FCRL2: variants seen among roughly 807,000 people sequenced by gnomAD.
The protein encoded by FCRL2 is Fc receptor-like protein 2.
Under a neutral mutation model 59.8 loss-of-function variants are expected in FCRL2, and 48 were observed. The ratio of observed to expected loss-of-function variants is 0.80; its 90% CI spans 0.64 to 1.02. The LOEUF (loss-of-function observed/expected upper bound fraction) is 1.02, where lower values mean the gene tolerates loss of function less well. FCRL2 is among the 50% of genes least tolerant of loss of function. FCRL2 has a pLI of 0.00. For missense variants in FCRL2, 658 were observed against 597.3 expected, an observed-to-expected ratio of 1.10 and a Z score of -1.06; for synonymous variants, 251 against 229.5, an observed-to-expected ratio of 1.09 and a Z score of -0.85.
intron 7 of FCRL2, among the ~76,000 whole-genome samples, chr1:157,756,388 G>C (rs1400892751): frequency 1.3e-5 from 2 of 152,176 alleles, no homozygotes; most frequent in East Asian, 3.9e-4. Context: ...TAAATTGCCA[G>C]TTTGGGATAT....
At chr1:157,760,979 T>C (rs1649060174) in intron 7 of FCRL2, among the ~76,000 whole-genome samples, 1 of 152,144 alleles carries the variant, frequency 6.6e-6, no homozygotes, top group Non-Finnish European at 1.5e-5. Context: ...TAAAATAAAA[T>C]ACTAGCTTAA....
intron 7 of FCRL2, among the ~76,000 whole-genome samples, chr1:157,753,796 C>T (rs898612093): frequency 2.0e-5 from 3 of 152,038 alleles, no homozygotes; most frequent in Non-Finnish European, 4.4e-5. Flanking sequence ...TGAAGCTATC[C>T]AGGAGCCCCT....
chr1:157,768,179 A>G, intron 5 of FCRL2: 1 of 492,386 alleles, frequency 2.0e-6, no homozygotes, highest in Non-Finnish European at 3.6e-6. Context: ...TTATCATCCT[A>G]TCGTAGGATT....
At chr1:157,755,257 C>T (rs16839076) in intron 7 of FCRL2, among the ~76,000 whole-genome samples, 2,714 of 152,142 alleles carry the variant, frequency 0.018, 71 homozygotes, top group African/African-American at 0.061. Context: ...CAACGTAAAA[C>T]GATGAAACTA....
At chr1:157,766,023 A>G (rs1205906046) in intron 7 of FCRL2, among the ~76,000 whole-genome samples, 1 of 152,160 alleles carries the variant, frequency 6.6e-6, no homozygotes, top group Non-Finnish European at 1.5e-5. Context: ...GAAACTGCAA[A>G]CTATGGCCAG....
In FCRL2 at chr1:157,777,124, G is replaced by C; in HGVS notation, c.-51C>G. 1 of 1,613,842 alleles carries C rather than the reference G, an allele frequency of 6.2e-7. No homozygotes were observed. ...AGAGATGTACTCTTGGTCACCAACT[G>C]GAGACTCTGAGCAGGCGATGAAATG... On this transcript the variant is annotated 5_prime_UTR_variant, in exon 1 of 12. Transcript: ENST00000361516.
At chr1:157,763,773 G>A (rs573178835) in intron 7 of FCRL2, among the ~76,000 whole-genome samples, 148 of 152,274 alleles carry the variant, frequency 9.7e-4, no homozygotes, top group Middle Eastern at 3.4e-3. Flanking sequence ...GCTCATGCCT[G>A]TAATCCCAGC....
chr1:157,773,165 CTTG>C (rs1650157578), intron 2 of FCRL2, among the ~76,000 whole-genome samples: 1 of 152,222 alleles, frequency 6.6e-6, no homozygotes, highest in Non-Finnish European at 1.5e-5. Flanking sequence ...AGATCTCTCT[CTTG>C]TTAATTGGAC....
intron 9 of FCRL2, 50 bp downstream of exon 9, chr1:157,748,825 T>C: frequency 1.9e-6 from 3 of 1,567,118 alleles, no homozygotes; most frequent in Non-Finnish European, 2.6e-6. Flanking sequence ...TCCTGTCTCC[T>C]CTTTCTTTTC....
In FCRL2 at chr1:157,769,990, G is replaced by T. The variant is rs1331281697; in HGVS notation, c.471C>A (p.Ser157Arg). ...CAGAAATCTGGAGCTCCGGAGAGCT[G>T]CTCCAGCCTGACCCCAGGACCTGGT... ...RENQVLGSGWSSSPELQISAV... is the reference protein window; with the variant it reads ...RENQVLGSGWRSSPELQISAV... Residue 157 changes from serine to arginine, a missense_variant, in exon 4 of 12, where the codon AGC becomes AGA. By Grantham distance (110) the Ser-to-Arg change is moderately radical. Transcript: ENST00000361516. The T allele has an allele frequency of 5.6e-6, 9 of 1,614,174 alleles. No individual in the cohort carries two copies. The highest frequency in any genetic ancestry group is 7.6e-6 in the Non-Finnish European group (9 of 1,180,032).
chr1:157,770,422 C>G lies in FCRL2; in HGVS notation c.297G>C (p.Lys99Asn). The part of the protein sequence containing the change: ...FLWDKTSNIV[K>N]IKVQELFQRP... ...TCAGGGTTTTACCTTGGACTTTTAT[C>G]TTTACTATATTTGAAGTTTTATCCC... The change falls in exon 3 of 12, where the codon AAG (lysine) becomes AAC (asparagine). Residue 99 changes from lysine to asparagine, a missense_variant. Transcript: ENST00000361516. 6.2e-7 allele frequency: 1 copy of G among 1,613,358 alleles called. No individual in the cohort carries two copies. Among genetic ancestry groups the G allele is most frequent in the African/African-American group, 1.3e-5 (1 of 74,876 alleles).
intron 7 of FCRL2, among the ~76,000 whole-genome samples, chr1:157,752,202 A>G (rs1648244926): frequency 6.6e-6 from 1 of 152,328 alleles, no homozygotes; most frequent in Non-Finnish European, 1.5e-5. Flanking sequence ...CTCATCTGGA[A>G]TTCCCACATG....
At chr1:157,775,893 C>T (rs529663365) in intron 1 of FCRL2, 98 bp from the exon 2 acceptor site, 59 of 1,335,576 alleles carry the variant, frequency 4.4e-5, no homozygotes, top group Non-Finnish European at 5.1e-5. Context: ...AACTTCTTTC[C>T]ATTTTCCCTT....
At chr1:157,761,389 G>T (rs1649093111) in intron 7 of FCRL2, among the ~76,000 whole-genome samples, 1 of 152,172 alleles carries the variant, frequency 6.6e-6, no homozygotes, top group Non-Finnish European at 1.5e-5. Flanking sequence ...GCTGAGTCAG[G>T]CAGATCGCTT....
At chr1:157,764,648 C>T (rs1165673688) in intron 7 of FCRL2, among the ~76,000 whole-genome samples, 1 of 152,062 alleles carries the variant, frequency 6.6e-6, no homozygotes, top group Non-Finnish European at 1.5e-5. Flanking sequence ...GGAAATGAAG[C>T]TAGAAATCAA....
intron 7 of FCRL2, among the ~76,000 whole-genome samples, chr1:157,764,029 CAAA>C (rs34230382): frequency 1.2e-4 from 12 of 103,256 alleles, no homozygotes; most frequent in Non-Finnish European, 9.7e-5. Context: ...GACTTCATCT[CAAA>C]AAAAAAAAAA....
In FCRL2 at chr1:157,749,644, T is replaced by A. The variant is rs1201808087; in HGVS notation, c.1307+6A>T. The A allele has an allele frequency of 1.2e-6, 2 of 1,605,732 alleles. No individual in the cohort carries two copies. Among genetic ancestry groups the A allele is most frequent in the Non-Finnish European group, 8.5e-7 (1 of 1,174,164 alleles). ...AATTAAAATTTTTACTAGGAAGAGT[T>A]CTCACCTGGGTTCATTAGTGGCAGA... On this transcript the variant is annotated splice_donor_region_variant and intron_variant, in intron 8 of 11. Coordinates refer to ENST00000361516, the MANE Select transcript of FCRL2 (RefSeq NM_030764.4).
At position 157,769,907 on chromosome 1, in the gene FCRL2, C is replaced by T. The variant is rs1649855398; in HGVS notation, c.554G>A (p.Arg185Lys). 6.2e-7 allele frequency: 1 copy of T among 1,614,058 alleles called. No individual in the cohort carries two copies. The highest frequency in any genetic ancestry group is 1.3e-5 in the African/African-American group (1 of 74,912). ...YWCKAETVTHRIRKQSLQSQI... is the reference protein window; with the variant it reads ...YWCKAETVTHKIRKQSLQSQI... Reference sequence around the variant, plus strand: ...GGATTGGAGGCTCTGTTTTCTGATCCTGTGAGTCACCGTTTCTGCCTTGCA... The same window carrying T: ...GGATTGGAGGCTCTGTTTTCTGATCTTGTGAGTCACCGTTTCTGCCTTGCA... Residue 185 changes from arginine (R) to lysine (K), a missense_variant, in exon 4 of 12, where the codon AGG becomes AAG. By Grantham distance (26) the Arg-to-Lys change is conservative. Coordinates refer to ENST00000361516, the MANE Select transcript of FCRL2 (RefSeq NM_030764.4).
At chr1:157,771,816 G>T (rs1650044121) in intron 2 of FCRL2, among the ~76,000 whole-genome samples, 1 of 151,990 alleles carries the variant, frequency 6.6e-6, no homozygotes, top group African/African-American at 2.4e-5. Flanking sequence ...CTATTCAATT[G>T]TATCATGACT....
Sources: allele counts gnomAD v4.1 joint callset (sites outside exome capture counted in the v4.1 genomes callset), GRCh38; gene constraint gnomAD v4.1.1; transcripts MANE v1.5; gene names NCBI Gene and HGNC (gene_info 2026-07-23, HGNC 2026-07-21).